The following SLC8A1 variants were observed in gnomAD, a reference collection of about 807,000 sequenced individuals.
SLC8A1 encodes the protein solute carrier family 8 member A1, also known as sodium/calcium exchanger 1.
Under a neutral mutation model 68.3 loss-of-function variants are expected in SLC8A1, and 18 were observed. That is an observed-to-expected ratio of 0.26 (90% CI 0.18 to 0.39). The LOEUF (loss-of-function observed/expected upper bound fraction) is 0.39, where lower values mean the gene tolerates loss of function less well. Among genes scored for constraint, SLC8A1 ranks in the 10% least tolerant of loss-of-function variants. SLC8A1 has a pLI of 1.00. For synonymous variants in SLC8A1, 475 were observed against 415.5 expected, an observed-to-expected ratio of 1.14 and a Z score of -1.74; for missense variants, 985 against 1,156.7, an observed-to-expected ratio of 0.85 and a Z score of 2.15.
intron 3 of SLC8A1, chr2:40,177,706 A>G (rs1429354576): frequency 2.6e-6 from 3 of 1,158,526 alleles, no homozygotes; most frequent in South Asian, 1.3e-5. Context: ...ACACGGAGAG[A>G]GAAGAGTACA....
At chr2:40,347,021 G>C (rs910378404) in intron 2 of SLC8A1, among the ~76,000 whole-genome samples, 1 of 152,116 alleles carries the variant, frequency 6.6e-6, no homozygotes, top group Non-Finnish European at 1.5e-5. Flanking sequence ...ATACATCAAA[G>C]CACAGCATGT....
intron 1 of SLC8A1, among the ~76,000 whole-genome samples, chr2:40,448,807 G>A (rs1434489924): frequency 6.6e-6 from 1 of 152,074 alleles, no homozygotes; most frequent in Non-Finnish European, 1.5e-5. Context: ...TAATATTTTA[G>A]CAAAACACAT....
intron 2 of SLC8A1, among the ~76,000 whole-genome samples, chr2:40,417,567 G>C (rs1694252562): frequency 6.6e-6 from 1 of 152,064 alleles, no homozygotes; most frequent in Non-Finnish European, 1.5e-5. Flanking sequence ...GGAGTGCAGT[G>C]GTGTGATCAC....
intron 1 of SLC8A1, among the ~76,000 whole-genome samples, chr2:40,485,557 C>T (rs1190783289): frequency 1.3e-5 from 2 of 152,200 alleles, no homozygotes; most frequent in African/African-American, 4.8e-5. Context: ...CTTCCTCACT[C>T]TGGTTATTTC....
chr2:40,122,393 A>G (rs1418148505), intron 7 of SLC8A1, among the ~76,000 whole-genome samples: 1 of 152,164 alleles, frequency 6.6e-6, no homozygotes, highest in Admixed American at 6.5e-5. Context: ...ATTTCTGCCC[A>G]TAAAAGTTGT....
chr2:40,283,021 C>CA (rs1164055228), intron 2 of SLC8A1, among the ~76,000 whole-genome samples: 1 of 151,982 alleles, frequency 6.6e-6, no homozygotes, highest in Non-Finnish European at 1.5e-5. Flanking sequence ...AACTTATTCT[C>CA]AAAAAAGCAT....
chr2:40,214,706 G>A (rs1445947745), intron 2 of SLC8A1, among the ~76,000 whole-genome samples: 3 of 151,998 alleles, frequency 2.0e-5, no homozygotes, highest in Non-Finnish European at 4.4e-5. Flanking sequence ...CCAAAGTGCT[G>A]GGATTACAGG....
At chr2:40,333,282 C>T (rs559415468) in intron 2 of SLC8A1, among the ~76,000 whole-genome samples, 1 of 151,690 alleles carries the variant, frequency 6.6e-6, no homozygotes, top group Admixed American at 6.6e-5. Context: ...ACTAAAAATA[C>T]GAAAAATTTG....
chr2:40,246,231 T>C (rs1401060053), intron 2 of SLC8A1, among the ~76,000 whole-genome samples: 1 of 152,232 alleles, frequency 6.6e-6, no homozygotes, highest in African/African-American at 2.4e-5. Flanking sequence ...ACTACAAGCA[T>C]GTGGTACACA....
intron 3 of SLC8A1, 73 bp from the exon 5 acceptor site, chr2:40,174,915 T>A (rs2048202512): frequency 6.9e-7 from 1 of 1,448,844 alleles, no homozygotes; most frequent in Non-Finnish European, 9.6e-7. Flanking sequence ...GACATCAGAC[T>A]GCCTGACAAC....
At chr2:40,125,424 A>T (rs978393641) in intron 7 of SLC8A1, among the ~76,000 whole-genome samples, 2 of 152,144 alleles carry the variant, frequency 1.3e-5, no homozygotes, top group Non-Finnish European at 2.9e-5. Context: ...ACCCACTATG[A>T]AAGTTTGCCC....
chr2:40,221,546 A>G (rs1265570385), intron 2 of SLC8A1, among the ~76,000 whole-genome samples: 1 of 152,188 alleles, frequency 6.6e-6, no homozygotes, highest in African/African-American at 2.4e-5. Context: ...GTCAGGCAAG[A>G]GAAAGAAATA....
At chr2:40,417,001 A>G (rs1316659344) in intron 2 of SLC8A1, among the ~76,000 whole-genome samples, 3 of 152,052 alleles carry the variant, frequency 2.0e-5, no homozygotes, top group African/African-American at 4.8e-5. Flanking sequence ...TAATTTACCA[A>G]CCTCTCTCTC....
intron 4 of SLC8A1, among the ~76,000 whole-genome samples, chr2:40,169,225 G>T (rs1319295107): frequency 6.6e-6 from 1 of 152,184 alleles, no homozygotes; most frequent in African/African-American, 2.4e-5. Context: ...AGGGGACACT[G>T]TTGAGAGTCT....
At chr2:40,213,769 T>C (rs1357547810) in intron 2 of SLC8A1, among the ~76,000 whole-genome samples, 2 of 152,312 alleles carry the variant, frequency 1.3e-5, no homozygotes, top group East Asian at 1.9e-4. Context: ...TAGAGCTGCA[T>C]CAATTCTCTC....
chr2:40,233,720 A>C lies in SLC8A1; in HGVS notation c.1809-55865T>G, dbSNP rs904893227. Reference sequence around the variant, plus strand: ...GCCTAGGTTTTCTTCTAGGGTTTTTATGGTTTTAGGTCTAACGTTTAAGTC... The same window carrying C: ...GCCTAGGTTTTCTTCTAGGGTTTTTCTGGTTTTAGGTCTAACGTTTAAGTC... On this transcript the variant is annotated intron_variant, in intron 2 of 7. Coordinates refer to ENST00000406785, the Ensembl canonical transcript of SLC8A1. Among the ~76,000 whole-genome samples the C allele has an allele frequency of 2.0e-5, 3 of 149,718 alleles. No homozygotes were observed. In the East Asian group the frequency reaches 5.8e-4, roughly 29 times the overall value.
In SLC8A1 at chr2:40,232,933, C is replaced by A. The variant is rs377146894; in HGVS notation, c.1809-55078G>T. Among the ~76,000 whole-genome samples the A allele has an allele frequency of 8.7e-5, 13 of 148,794 alleles. No individual in the cohort carries two copies. The South Asian group carries it at 1.1e-3, about 12-fold the overall frequency. ...TCCCTACAAAGGACATGAACTCATC[C>A]TTTTTTATGGCTGCATAGTATTCCA... On this transcript the variant is annotated intron_variant, in intron 2 of 7. Coordinates refer to ENST00000406785, the Ensembl canonical transcript of SLC8A1.
intron 2 of SLC8A1, among the ~76,000 whole-genome samples, chr2:40,337,517 A>C (rs1018812234): frequency 2.6e-5 from 4 of 152,224 alleles, no homozygotes; most frequent in African/African-American, 9.6e-5. Context: ...GCACTCAGCA[A>C]TGCAATGGTA....
At chr2:40,260,900 T>C (rs189987214) in intron 2 of SLC8A1, among the ~76,000 whole-genome samples, 1 of 152,308 alleles carries the variant, frequency 6.6e-6, no homozygotes, top group Admixed American at 6.5e-5. Context: ...CTAAGTTTCC[T>C]TCAAGAACTT....
Sources: gnomAD v4.1 joint callset for allele counts (sites outside exome capture counted in the v4.1 genomes callset) on GRCh38, gnomAD v4.1.1 for gene constraint, MANE v1.5 for transcripts, NCBI Gene and HGNC (gene_info 2026-07-23, HGNC 2026-07-21) for gene names.